CATSPERE: variants seen among roughly 807,000 people sequenced by gnomAD.
CATSPERE encodes the protein cation channel sperm-associated auxiliary subunit epsilon.
A neutral mutation model predicts 114.1 loss-of-function variants in CATSPERE; 93 were observed. The observed-to-expected ratio is 0.81, with a 90% CI of 0.69 to 0.97. CATSPERE has a LOEUF of 0.97. CATSPERE is among the 50% of genes least tolerant of loss of function. The pLI, the probability that CATSPERE is intolerant of heterozygous loss-of-function variation, is 0.00. For synonymous variants in CATSPERE, 341 were observed against 384.1 expected (o/e 0.89, Z 1.31); for missense variants, 1,058 against 1,131.6 (o/e 0.93, Z 0.93).
chr1:244,572,539 C>T lies in CATSPERE; in HGVS notation c.1717C>T (p.Gln573Ter). The change falls in exon 11 of 22, where the codon CAA becomes TAA. Residue 573 changes from glutamine (Q) to a stop codon, truncating the protein, a stop_gained. Transcript: ENST00000366534. LOFTEE classifies it high-confidence loss of function. ...GGACTATCCCTTACATCTGGAAGCA[C>T]AAAGTATAGCTTTCACAACAAAAGA... ...IQDYPLHLEAQSIAFTTKDKC... is the reference protein window; with the variant it reads ...IQDYPLHLEA 2 of 1,613,982 alleles carry T rather than the reference C, an allele frequency of 1.2e-6. No individual in the cohort carries two copies. Among genetic ancestry groups the T allele is most frequent in the Non-Finnish European group, 1.7e-6 (2 of 1,179,856 alleles).
intron 11 of CATSPERE, among the ~76,000 whole-genome samples, chr1:244,576,742 CTTCCAT>C (rs1168478851): frequency 3.3e-5 from 5 of 152,042 alleles, no homozygotes; most frequent in Non-Finnish European, 7.4e-5. Context: ...TGTTCCCCAC[CTTCCAT>C]TTCTAGGCTC....
intron 11 of CATSPERE, among the ~76,000 whole-genome samples, chr1:244,576,754 G>C (rs1226654730): frequency 1.3e-5 from 2 of 151,900 alleles, no homozygotes; most frequent in Non-Finnish European, 2.9e-5. Flanking sequence ...TCCATTTCTA[G>C]GCTCAGCTTC....
chr1:244,490,447 A>G lies in CATSPERE; in HGVS notation c.327A>G (p.Arg109=). The G allele has an allele frequency of 6.5e-7, 1 of 1,541,016 alleles. No homozygotes were observed. The highest frequency in any genetic ancestry group is 1.4e-5 in the African/African-American group (1 of 73,182). The change falls in exon 6 of 22, where the codon AGA becomes AGG. Residue 109 remains arginine, a splice_region_variant and synonymous_variant. Transcript: ENST00000366534. Reference sequence around the variant, plus strand: ...ATATGTTTCCTCTTTTTCCAAGCAGACATTTCTTTAACAACTTTACCCAGG... The same window carrying G: ...ATATGTTTCCTCTTTTTCCAAGCAGGCATTTCTTTAACAACTTTACCCAGG... ...HTCFLWYYRV[R]HFFNNFTQLI...
At chr1:244,462,406 G>C (rs185945264) in intron 1 of CATSPERE, among the ~76,000 whole-genome samples, 1 of 152,300 alleles carries the variant, frequency 6.6e-6, no homozygotes, top group African/African-American at 2.4e-5. Context: ...TTGAGCTACT[G>C]TTCTCTCCCT....
chr1:244,460,576 A>C (rs903932164), upstream of CATSPERE, among the ~76,000 whole-genome samples: 3 of 152,270 alleles, frequency 2.0e-5, no homozygotes, highest in Non-Finnish European at 4.4e-5. Context: ...ATAAAACTCC[A>C]GTCTCCTGCA....
chr1:244,610,754 C>CT lies in CATSPERE; in HGVS notation c.2490+444dup, dbSNP rs56253016. On this transcript the variant is annotated intron_variant, in intron 19 of 21. Transcript: ENST00000366534. ...CGCATATTTCTCCCTATTTTCTTTC[C>CT]TTTTTTTTTTTTTTTTGAGACAGAG... Among the ~76,000 whole-genome samples the CT allele has an allele frequency of 5.4e-3, 734 of 136,374 alleles. 1 individual carries two copies. Among genetic ancestry groups the CT allele is most frequent in the Middle Eastern group, 0.011 (3 of 272 alleles). 89.5% of individuals were successfully genotyped at this position (136,374 alleles called of 152,430 possible).
Position 244,556,135 on chromosome 1 carries a change from C to A in CATSPERE, c.1029+3321C>A, listed in dbSNP as rs562943730. 6.6e-5 allele frequency among the ~76,000 whole-genome samples: 10 copies of A among 152,198 alleles called. No homozygotes were observed. The South Asian group carries it at 1.9e-3, about 28-fold the overall frequency. ...GTTGCTTGAGCCCAGGAGTTCAAGG[C>A]TGCAGTGAGCTGTGATCACACCATT... On this transcript the variant is annotated intron_variant, in intron 9 of 21. Transcript: ENST00000366534.
chr1:244,560,755 A>G lies in CATSPERE; in HGVS notation c.1117A>G (p.Thr373Ala). The G allele has an allele frequency of 6.2e-7, 1 of 1,614,052 alleles. No homozygotes were observed. The highest frequency in any genetic ancestry group is 8.5e-7 in the Non-Finnish European group (1 of 1,179,974). ...SILLKFARLV[T>A]TTELKNILSL... ...TCTTCTTAAGTTTGCCAGATTAGTAACTACCACAGAACTGAAAAACATCCT... is the reference window on the plus strand; with the variant it reads ...TCTTCTTAAGTTTGCCAGATTAGTAGCTACCACAGAACTGAAAAACATCCT... Residue 373 changes from threonine (T) to alanine (A), a missense_variant, in exon 10 of 22, where the codon ACT becomes GCT. This residue lies in a region of CATSPERE where 787 missense variants were observed against 905.6 expected (regional missense o/e 0.87). Transcript: ENST00000366534.
rs1385897596 is a variant in CATSPERE, at chr1:244,621,146, A to T, written c.2648+3460A>T. Among the ~76,000 whole-genome samples, 12 of 64,898 alleles carry T rather than the reference A, an allele frequency of 1.8e-4. 1 individual carries two copies. Among genetic ancestry groups the T allele is most frequent in the South Asian group, 7.8e-4 (2 of 2,558 alleles). The allele number at this position is 64,898 out of a possible 152,430, so 42.6% of individuals were successfully genotyped here. On this transcript the variant is annotated intron_variant, in intron 20 of 21. Transcript: ENST00000366534. The stretch of plus-strand genomic sequence containing the variant: ...ATATATAAATATATATAAAATATAT[A>T]TATTATAAAATATATATATTATATA...
At chr1:244,585,833 CTT>C (rs1219298728) in intron 13 of CATSPERE, among the ~76,000 whole-genome samples, 1 of 152,212 alleles carries the variant, frequency 6.6e-6, no homozygotes, top group Non-Finnish European at 1.5e-5. Context: ...CTGCATCTCA[CTT>C]TTTAACCATG....
chr1:244,560,919 T>C lies in CATSPERE; in HGVS notation c.1281T>C (p.Asp427=). Residue 427 remains aspartate (D), a synonymous_variant, in exon 10 of 22, where the codon GAT becomes GAC. Coordinates refer to ENST00000366534, the MANE Select transcript of CATSPERE (RefSeq NM_001130957.2). The stretch of plus-strand genomic sequence containing the variant: ...TTTTCTTAGTGATATATAATGAAGA[T>C]ACAAAACAGTGGGTTTCCCAAGACT... ...KKIFLVIYNE[D]TKQWVSQDFT... is the part of the protein sequence containing the mutation. 6.2e-7 allele frequency: 1 copy of C among 1,614,070 alleles called. No homozygotes were observed. Among genetic ancestry groups the C allele is most frequent in the Non-Finnish European group, 8.5e-7 (1 of 1,179,932 alleles).
intron 8 of CATSPERE, among the ~76,000 whole-genome samples, chr1:244,551,840 G>A (rs368892889): frequency 8.6e-5 from 13 of 152,046 alleles, no homozygotes; most frequent in Middle Eastern, 3.4e-3. Context: ...CGAGGCGGGC[G>A]GATCACGAGG....
chr1:244,537,767 C>T (rs1278761966), intron 8 of CATSPERE, among the ~76,000 whole-genome samples: 1 of 151,982 alleles, frequency 6.6e-6, no homozygotes, highest in East Asian at 1.9e-4. Context: ...CATTTTATGG[C>T]CCAGCATATG....
intron 14 of CATSPERE, among the ~76,000 whole-genome samples, chr1:244,590,605 C>G (rs2148641330): frequency 6.6e-6 from 1 of 152,292 alleles, no homozygotes; most frequent in Middle Eastern, 3.4e-3. Context: ...TCCCTTTCCC[C>G]CAGCCCCTGG....
intron 13 of CATSPERE, among the ~76,000 whole-genome samples, chr1:244,584,908 A>T (rs1196123569): frequency 6.6e-6 from 1 of 152,134 alleles, no homozygotes; most frequent in Non-Finnish European, 1.5e-5. Context: ...TCTGCCTACC[A>T]CATGCCAGCT....
chr1:244,490,735 A>C (rs1046788457), intron 6 of CATSPERE, among the ~76,000 whole-genome samples: 1 of 152,180 alleles, frequency 6.6e-6, no homozygotes, highest in African/African-American at 2.4e-5. Context: ...AGGAGCAGAG[A>C]TGATTATCCA....
In CATSPERE at chr1:244,573,176, C is replaced by T. The variant is rs1664719590; in HGVS notation, c.1950+404C>T. 6.6e-6 allele frequency among the ~76,000 whole-genome samples: 1 copy of T among 152,092 alleles called. No homozygotes were observed. On this transcript the variant is annotated intron_variant, in intron 11 of 21. Transcript: ENST00000366534. This position sits in a 1 kb window ranked among gnomAD's most constrained non-coding sequence, Gnocchi z 4.0. ...CCTGTAATCCCAGCACTTTGGGAGG[C>T]CAAGGCAGGCAGATCACGAGGTCAG...
intron 20 of CATSPERE, among the ~76,000 whole-genome samples, chr1:244,620,038 A>C (rs1671895186): frequency 6.6e-6 from 1 of 152,224 alleles, no homozygotes; most frequent in East Asian, 1.9e-4. Flanking sequence ...CTAAGTCAAG[A>C]GATAAGTAAA....
chr1:244,477,226 C>T (rs1344161840), intron 2 of CATSPERE, among the ~76,000 whole-genome samples: 2 of 152,194 alleles, frequency 1.3e-5, no homozygotes, highest in African/African-American at 2.4e-5. Flanking sequence ...AAACTCCTGA[C>T]CTCAGGTGAT....
Sources: allele counts gnomAD v4.1 joint callset (sites outside exome capture counted in the v4.1 genomes callset), GRCh38; gene constraint gnomAD v4.1.1; regional missense constraint gnomAD v4.1.1; non-coding constraint Gnocchi (gnomAD v3.1); transcripts MANE v1.5; gene names NCBI Gene and HGNC (gene_info 2026-07-23, HGNC 2026-07-21).